The following ZNF106 variants were observed in gnomAD, a reference collection of about 807,000 sequenced individuals.
ZNF106 encodes SH3-domain binding protein 3.
Under a neutral mutation model 195.1 loss-of-function variants are expected in ZNF106, and 67 were observed. That is an observed-to-expected ratio of 0.34 (90% CI 0.28 to 0.42). The LOEUF is 0.42. Ranked by LOEUF, ZNF106 falls within the 10% of genes least tolerant of loss-of-function variation. ZNF106 has a pLI of 1.00. For synonymous variants in ZNF106, 784 were observed against 818.6 expected (o/e 0.96, Z 0.72); for missense variants, 2,118 against 2,304.5 (o/e 0.92, Z 1.66).
intron 1 of ZNF106, among the ~76,000 whole-genome samples, chr15:42,475,255 C>G (rs1158447679): frequency 6.6e-6 from 1 of 152,096 alleles, no homozygotes. Context: ...GAGTTCAAGA[C>G]CAGCCTGGCC....
intron 3 of ZNF106, among the ~76,000 whole-genome samples, chr15:42,464,229 A>C (rs764544843): frequency 1.3e-4 from 20 of 151,912 alleles, no homozygotes; most frequent in Non-Finnish European, 2.8e-4. Context: ...AATCCCAGCT[A>C]CTCAGGAGGG....
At chr15:42,454,631 C>G (rs2056163950) in intron 4 of ZNF106, among the ~76,000 whole-genome samples, 1 of 151,866 alleles carries the variant, frequency 6.6e-6, no homozygotes, top group Admixed American at 6.6e-5. Context: ...TGCCTGTAAT[C>G]TCAGCACTTT....
intron 1 of ZNF106, among the ~76,000 whole-genome samples, chr15:42,473,725 T>C (rs904183884): frequency 2.0e-5 from 3 of 152,180 alleles, no homozygotes; most frequent in Admixed American, 1.3e-4. Flanking sequence ...CATGTTTCCA[T>C]AGAAGGCCTC....
chr15:42,482,204 C>A (rs1269437868), intron 1 of ZNF106, among the ~76,000 whole-genome samples: 1 of 152,136 alleles, frequency 6.6e-6, no homozygotes, highest in Non-Finnish European at 1.5e-5. Context: ...TCCTTTATAT[C>A]ATTTTTATTT....
At position 42,416,843 on chromosome 15, in the gene ZNF106, G is replaced by A. The variant is rs2054476389; in HGVS notation, c.*461C>T. The A allele has an allele frequency of 6.5e-6, 1 of 152,952 alleles. No individual in the cohort carries two copies. Among genetic ancestry groups the A allele is most frequent in the Non-Finnish European group, 1.5e-5 (1 of 68,664 alleles). 9.5% of individuals were successfully genotyped at this position (152,952 alleles called of 1,614,324 possible). A position where few individuals can be genotyped will look rare whatever the true frequency, so the allele number is the denominator to read the frequency against. ...GTTTAAATACCCAGCTATTACAAAT[G>A]GAGAAATTAAAACTGATCCTCAAAG... On this transcript the variant is annotated 3_prime_UTR_variant, in exon 22 of 22. Transcript: ENST00000564754.
chr15:42,451,472 A>C lies in ZNF106; in HGVS notation c.800T>G (p.Phe267Cys). The C allele has an allele frequency of 6.2e-7, 1 of 1,614,132 alleles. No individual in the cohort carries two copies. The highest frequency in any genetic ancestry group is 8.5e-7 in the Non-Finnish European group (1 of 1,180,040). The change falls in exon 5 of 22, where the codon TTT becomes TGT. Residue 267 changes from phenylalanine to cysteine, a missense_variant. Coordinates refer to ENST00000564754, the MANE Select transcript of ZNF106 (RefSeq NM_001366845.3). Reference protein sequence around the residue: ...NWNYSGPGDKFQPGRNRNSNC... With the variant: ...NWNYSGPGDKCQPGRNRNSNC... ...AGAATTTCTGTTTCTGCCTGGTTGAAATTTGTCTCCAGGGCCACTGTAATT... is the reference window on the plus strand; with the variant it reads ...AGAATTTCTGTTTCTGCCTGGTTGACATTTGTCTCCAGGGCCACTGTAATT...
intron 1 of ZNF106, among the ~76,000 whole-genome samples, chr15:42,476,357 G>A (rs2056785031): frequency 6.6e-6 from 1 of 152,148 alleles, no homozygotes; most frequent in Non-Finnish European, 1.5e-5. Context: ...TAAAGGCCCT[G>A]ACAAAGACTA....
chr15:42,458,819 G>A (rs544931572), intron 3 of ZNF106, among the ~76,000 whole-genome samples: 4 of 150,854 alleles, frequency 2.7e-5, no homozygotes, highest in African/African-American at 9.7e-5. Flanking sequence ...ATATTCAGGT[G>A]ACCTGTAACA....
At chr15:42,437,128 C>T (rs1242822844) in intron 13 of ZNF106, 104 bp downstream of exon 13, 1 of 1,277,830 alleles carries the variant, frequency 7.8e-7, no homozygotes. Context: ...AGGCCCACCC[C>T]TTCCTTCAGA....
intron 14 of ZNF106, among the ~76,000 whole-genome samples, chr15:42,433,996 G>A (rs1295121333): frequency 6.6e-6 from 1 of 152,118 alleles, no homozygotes; most frequent in Non-Finnish European, 1.5e-5. Flanking sequence ...CTATAGGTGT[G>A]CATCACCACA....
rs2055853899 is a variant in ZNF106, at chr15:42,448,435, T to A, written c.2772A>T (p.Gly924=). The A allele has an allele frequency of 6.2e-7, 1 of 1,614,032 alleles. No individual in the cohort carries two copies. Among genetic ancestry groups the A allele is most frequent in the South Asian group, 1.1e-5 (1 of 91,092 alleles). The change falls in exon 6 of 22, where the codon GGA becomes GGT. Residue 924 remains glycine (G), a synonymous_variant. Coordinates refer to ENST00000564754, the MANE Select transcript of ZNF106 (RefSeq NM_001366845.3). ...MVSPSNSLRA[G]QSQKATMHLK... is the part of the protein sequence containing the mutation. The stretch of plus-strand genomic sequence containing the variant: ...GGTGCATGGTTGCTTTCTGGCTCTG[T>A]CCAGCCCTCAATGAGTTACTAGGTG...
chr15:42,427,436 T>C (rs2054898239), intron 15 of ZNF106, among the ~76,000 whole-genome samples: 2 of 152,218 alleles, frequency 1.3e-5, no homozygotes, highest in African/African-American at 4.8e-5. Flanking sequence ...AATGAATTTA[T>C]CTCTGGTTTA....
At chr15:42,446,803 G>A (rs1486861787) in intron 6 of ZNF106, 145 bp from the exon 7 acceptor site, 10 of 714,640 alleles carry the variant, frequency 1.4e-5, no homozygotes, top group South Asian at 1.3e-4. Context: ...TCTCACGCAC[G>A]TGGTACCAAC....
chr15:42,424,534 A>C, intron 16 of ZNF106: 1 of 338,936 alleles, frequency 3.0e-6, no homozygotes, highest in Non-Finnish European at 5.4e-6. Context: ...TGCCCATGCT[A>C]GAGTACAGTG....
chr15:42,421,181 CA>C (rs2054643819), intron 19 of ZNF106, 49 bp from the exon 20 acceptor site: 1 of 1,541,762 alleles, frequency 6.5e-7, no homozygotes, highest in African/African-American at 1.4e-5. Context: ...ATACAAACTA[CA>C]AAACACCCTC....
intron 11 of ZNF106, 54 bp downstream of exon 11, chr15:42,438,979 A>T (rs974216974): frequency 3.2e-5 from 49 of 1,519,656 alleles, no homozygotes; most frequent in Non-Finnish European, 4.0e-5. Context: ...AATTCTATTT[A>T]AAAAAATAAA....
At chr15:42,422,360 C>T in intron 18 of ZNF106, 141 bp downstream of exon 18, 1 of 1,137,862 alleles carries the variant, frequency 8.8e-7, no homozygotes, top group Non-Finnish European at 1.2e-6. Context: ...CACAGGCCAG[C>T]TGTTTCATAA....
In ZNF106 at chr15:42,448,267, G is replaced by T. The variant is rs778862694; in HGVS notation, c.2940C>A (p.Ser980Arg). The change falls in exon 6 of 22, where the codon AGC becomes AGA. Residue 980 changes from serine (S) to arginine (R), a missense_variant. Transcript: ENST00000564754. Reference sequence around the variant, plus strand: ...CTGACGGTGGTATAGACCTCTCCTGGCTGTTCAAGTCTTTTGCCAAATGCA... The same window carrying T: ...CTGACGGTGGTATAGACCTCTCCTGTCTGTTCAAGTCTTTTGCCAAATGCA... The part of the protein sequence containing the change: ...PLMHLAKDLN[S>R]QERSIPPSEN... The T allele has an allele frequency of 2.5e-6, 4 of 1,614,154 alleles. No individual in the cohort carries two copies. Among genetic ancestry groups the T allele is most frequent in the Non-Finnish European group, 3.4e-6 (4 of 1,180,038 alleles).
intron 2 of ZNF106, among the ~76,000 whole-genome samples, chr15:42,469,425 C>T (rs965602031): frequency 6.6e-6 from 1 of 152,116 alleles, no homozygotes; most frequent in African/African-American, 2.4e-5. Context: ...TTTAATGTGA[C>T]TTTTGTTTTT....
Sources: gnomAD v4.1 joint callset for allele counts (sites outside exome capture counted in the v4.1 genomes callset) on GRCh38, gnomAD v4.1.1 for gene constraint, MANE v1.5 for transcripts, NCBI Gene and HGNC (gene_info 2026-07-23, HGNC 2026-07-21) for gene names.